OSBPL8: variants seen among roughly 807,000 people sequenced by gnomAD.
OSBPL8 encodes the protein oxysterol-binding protein-related protein 8.
OSBPL8 carries 59 observed loss-of-function variants against 125.5 expected under a neutral mutation model. That is an observed-to-expected ratio of 0.47 (90% CI 0.38 to 0.58). The LOEUF (loss-of-function observed/expected upper bound fraction) is 0.58. Ranked by LOEUF, OSBPL8 falls within the 20% of genes least tolerant of loss-of-function variation. The pLI, the probability that OSBPL8 is intolerant of heterozygous loss-of-function variation, is 0.00. For synonymous variants in OSBPL8, 330 were observed against 338.9 expected (o/e 0.97, Z 0.29); for missense variants, 758 against 1,047.8 (o/e 0.72, Z 3.82).
At chr12:76,503,189 G>A (rs1880079052) in intron 1 of OSBPL8, among the ~76,000 whole-genome samples, 1 of 152,170 alleles carries the variant, frequency 6.6e-6, no homozygotes, top group Non-Finnish European at 1.5e-5. Flanking sequence ...ACGACAAACT[G>A]GGGGTAGCTT....
At chr12:76,459,966 C>A (rs923764250) in intron 2 of OSBPL8, 71 bp from the exon 3 acceptor site, 2 of 1,472,406 alleles carry the variant, frequency 1.4e-6, no homozygotes, top group Non-Finnish European at 1.9e-6. Flanking sequence ...TGCATCAGGA[C>A]GGAAACAGCA....
At chr12:76,534,013 TCTC>T (rs1248028812) in intron 1 of OSBPL8, among the ~76,000 whole-genome samples, 1 of 152,198 alleles carries the variant, frequency 6.6e-6, no homozygotes, top group Non-Finnish European at 1.5e-5. Flanking sequence ...TTTTACCTTT[TCTC>T]CTAATATTTT....
chr12:76,407,667 T>G lies in OSBPL8; in HGVS notation c.288+2897A>C, dbSNP rs1296559595. Among the ~76,000 whole-genome samples the G allele has an allele frequency of 2.0e-5, 3 of 152,310 alleles. 1 individual carries two copies. Among genetic ancestry groups the G allele is most frequent in the Non-Finnish European group, 2.9e-5 (2 of 68,020 alleles). The stretch of plus-strand genomic sequence containing the variant: ...AAGTTTCAGCTCTTGGAAAATAATA[T>G]GATGAGTATAATTTTACTTATATAC... On this transcript the variant is annotated intron_variant, in intron 5 of 23. Transcript: ENST00000261183.
At chr12:76,529,103 A>G (rs958066406) in intron 1 of OSBPL8, among the ~76,000 whole-genome samples, 2 of 96,832 alleles carry the variant, frequency 2.1e-5, no homozygotes, top group African/African-American at 6.9e-5. Flanking sequence ...AAATATCATT[A>G]TGAATTTCAA....
chr12:76,474,835 A>G (rs976847685), intron 2 of OSBPL8, among the ~76,000 whole-genome samples: 1 of 152,214 alleles, frequency 6.6e-6, no homozygotes, highest in African/African-American at 2.4e-5. Flanking sequence ...AAACACATGC[A>G]TATAAATTCA....
At chr12:76,376,782 C>G (rs187499361) in intron 16 of OSBPL8, among the ~76,000 whole-genome samples, 1 of 151,946 alleles carries the variant, frequency 6.6e-6, no homozygotes, top group African/African-American at 2.4e-5. Context: ...TTCAGCCCTC[C>G]GAGATTTCTC....
At chr12:76,523,753 C>T (rs77054901) in intron 1 of OSBPL8, among the ~76,000 whole-genome samples, 5,833 of 152,214 alleles carry the variant, frequency 0.038, 412 homozygotes, top group African/African-American at 0.13. Context: ...TTTCCAGCCC[C>T]CAGAACTGTA....
chr12:76,427,540 T>G (rs1343555748), intron 4 of OSBPL8, among the ~76,000 whole-genome samples: 1 of 151,252 alleles, frequency 6.6e-6, no homozygotes, highest in Non-Finnish European at 1.5e-5. Context: ...CTTCAATAAT[T>G]AAAAAAAAAC....
chr12:76,495,464 A>G (rs1371709482), intron 1 of OSBPL8, among the ~76,000 whole-genome samples: 2 of 152,244 alleles, frequency 1.3e-5, no homozygotes. Flanking sequence ...GGTAGTTCAG[A>G]CTAGTCCAAA....
chr12:76,407,511 G>C (rs918184432), intron 5 of OSBPL8, among the ~76,000 whole-genome samples: 10 of 152,164 alleles, frequency 6.6e-5, no homozygotes, highest in Non-Finnish European at 1.3e-4. Flanking sequence ...GCCTCCCCAA[G>C]TGCTGGGATT....
At chr12:76,428,619 T>C (rs1221311957) in intron 4 of OSBPL8, among the ~76,000 whole-genome samples, 1 of 152,064 alleles carries the variant, frequency 6.6e-6, no homozygotes, top group Non-Finnish European at 1.5e-5. Context: ...AGCAGCAGGA[T>C]GAGTTCGAGA....
At chr12:76,496,799 C>T (rs144285916) in intron 1 of OSBPL8, among the ~76,000 whole-genome samples, 1,610 of 152,266 alleles carry the variant, frequency 0.011, 39 homozygotes, top group African/African-American at 0.037. Flanking sequence ...GCCTCAACCT[C>T]CCAAAGTATT....
At chr12:76,436,429 C>T (rs973092930) in intron 4 of OSBPL8, among the ~76,000 whole-genome samples, 4 of 151,972 alleles carry the variant, frequency 2.6e-5, no homozygotes, top group Non-Finnish European at 5.9e-5. Flanking sequence ...AACCAGTGGT[C>T]CCTAAATTTT....
chr12:76,400,024 A>G lies in OSBPL8; in HGVS notation c.367-50T>C, dbSNP rs1953983230. ...GATAAAAACTCAACAGAAATGAGCAATTTATTTTAAGTTCAGGGGTACAAA... is the reference window on the plus strand; with the variant it reads ...GATAAAAACTCAACAGAAATGAGCAGTTTATTTTAAGTTCAGGGGTACAAA... On this transcript the variant is annotated intron_variant, in intron 6 of 23. Coordinates refer to ENST00000261183, the MANE Select transcript of OSBPL8 (RefSeq NM_020841.5). The G allele has an allele frequency of 2.1e-6, 3 of 1,408,140 alleles. No homozygotes were observed. In the African/African-American group the frequency reaches 4.4e-5, roughly 21 times the overall value. 87.2% of individuals were successfully genotyped at this position (1,408,140 alleles called of 1,614,324 possible).
At chr12:76,521,752 G>A (rs1045435027) in intron 1 of OSBPL8, among the ~76,000 whole-genome samples, 17 of 152,174 alleles carry the variant, frequency 1.1e-4, no homozygotes, top group African/African-American at 4.1e-4. Flanking sequence ...AGCCAAAATT[G>A]TAGAGACAGA....
At chr12:76,388,555 G>A (rs1387909958) in intron 12 of OSBPL8, among the ~76,000 whole-genome samples, 2 of 152,148 alleles carry the variant, frequency 1.3e-5, no homozygotes, top group East Asian at 1.9e-4. Context: ...ATATTAGAAC[G>A]AGGATATAAA....
chr12:76,433,974 C>CAAA (rs34241447), intron 4 of OSBPL8, among the ~76,000 whole-genome samples: 25 of 82,118 alleles, frequency 3.0e-4, no homozygotes, highest in South Asian at 4.8e-4. Flanking sequence ...GACTCCATCT[C>CAAA]AAAAAAAAAA....
intron 5 of OSBPL8, among the ~76,000 whole-genome samples, chr12:76,406,318 T>C (rs1297131770): frequency 1.3e-5 from 2 of 152,298 alleles, no homozygotes; most frequent in South Asian, 2.1e-4. Context: ...TTGTTAACTA[T>C]CCAGGTAAAT....
At chr12:76,512,134 G>A (rs760342456) in intron 1 of OSBPL8, among the ~76,000 whole-genome samples, 2 of 151,952 alleles carry the variant, frequency 1.3e-5, no homozygotes, top group Non-Finnish European at 2.9e-5. Context: ...AACCCTCCCC[G>A]CTCAAGTAGA....
Sources: allele counts gnomAD v4.1 joint callset (sites outside exome capture counted in the v4.1 genomes callset), GRCh38; gene constraint gnomAD v4.1.1; transcripts MANE v1.5; gene names NCBI Gene and HGNC (gene_info 2026-07-23, HGNC 2026-07-21).